PLCL1: variants seen among roughly 807,000 people sequenced by gnomAD.
The protein encoded by PLCL1 is inactive phospholipase C-like protein 1.
Under a neutral mutation model 84.4 loss-of-function variants are expected in PLCL1, and 41 were observed. That is an observed-to-expected ratio of 0.49 (90% confidence interval 0.38 to 0.63). The LOEUF is 0.63. Among genes scored for constraint, PLCL1 ranks in the 30% least tolerant of loss-of-function variants. The pLI is 0.00. For missense variants in PLCL1, 1,206 were observed against 1,367.8 expected, an observed-to-expected ratio of 0.88 and a Z score of 1.87; for synonymous variants, 490 against 488.3, an observed-to-expected ratio of 1.00 and a Z score of -0.05.
chr2:197,891,053 A>G (rs1350238426), intron 1 of PLCL1, among the ~76,000 whole-genome samples: 1 of 148,542 alleles, frequency 6.7e-6, no homozygotes, highest in Non-Finnish European at 1.5e-5. Flanking sequence ...TTTTTTTTTT[A>G]CTTAGTATAA....
chr2:197,861,104 G>A (rs1344028263), intron 1 of PLCL1, among the ~76,000 whole-genome samples: 1 of 152,158 alleles, frequency 6.6e-6, no homozygotes, highest in Non-Finnish European at 1.5e-5. Flanking sequence ...GATGACTGGT[G>A]GTTGGCAGCC....
chr2:198,070,757 A>T (rs1184975355), intron 1 of PLCL1, among the ~76,000 whole-genome samples: 2 of 151,922 alleles, frequency 1.3e-5, no homozygotes, highest in Non-Finnish European at 2.9e-5. Context: ...TCTACTTATG[A>T]CTCAAAAAAG....
chr2:197,967,299 C>T (rs774889179), intron 1 of PLCL1, among the ~76,000 whole-genome samples: 4 of 152,156 alleles, frequency 2.6e-5, no homozygotes, highest in Non-Finnish European at 5.9e-5. Context: ...CAGGTTCAAG[C>T]AATTCTCCTG....
intron 1 of PLCL1, among the ~76,000 whole-genome samples, chr2:197,906,068 T>C (rs1348754599): frequency 6.6e-6 from 1 of 152,232 alleles, no homozygotes; most frequent in Non-Finnish European, 1.5e-5. Context: ...CTCTTTAGTT[T>C]AATTAGATCC....
chr2:198,120,534 T>C (rs1267608870), intron 5 of PLCL1, among the ~76,000 whole-genome samples: 1 of 151,994 alleles, frequency 6.6e-6, no homozygotes, highest in Non-Finnish European at 1.5e-5. Flanking sequence ...TCAATTATTT[T>C]AATTTTTAGC....
intron 1 of PLCL1, among the ~76,000 whole-genome samples, chr2:198,034,095 A>G (rs142931191): frequency 0.024 from 3,633 of 152,196 alleles, 166 homozygotes; most frequent in African/African-American, 0.082. Flanking sequence ...TCCTGCACCC[A>G]TTAACTCGTC....
At chr2:197,845,537 C>A (rs1215309194) in intron 1 of PLCL1, among the ~76,000 whole-genome samples, 1 of 152,040 alleles carries the variant, frequency 6.6e-6, no homozygotes, top group African/African-American at 2.4e-5. Context: ...AGGACGTGGT[C>A]AGCCTTTTCT....
intron 1 of PLCL1, among the ~76,000 whole-genome samples, chr2:197,808,714 G>A (rs1690528962): frequency 6.6e-6 from 1 of 152,178 alleles, no homozygotes. Flanking sequence ...TAATTGTAAT[G>A]TTTTGGAAAT....
intron 1 of PLCL1, among the ~76,000 whole-genome samples, chr2:197,871,352 A>C (rs1432014569): frequency 6.6e-6 from 1 of 151,994 alleles, no homozygotes; most frequent in Non-Finnish European, 1.5e-5. Flanking sequence ...GGGAAGGGGC[A>C]GTGTGGCCCT....
At position 198,146,874 on chromosome 2, in the gene PLCL1, C is replaced by T; in HGVS notation, c.3200C>T (p.Ala1067Val). The change falls in exon 6 of 6, where the codon GCC becomes GTC. Residue 1067 changes from alanine to valine, a missense_variant. Ala to Val is a moderately conservative substitution (Grantham distance 64, BLOSUM62 0). Transcript: ENST00000428675. ...TGCCTGTCCTGTGGACTGAGTAAAG[C>T]CCCCAGCAGCAGTGCTGAGGCCAAG... is the stretch of plus-strand genomic sequence containing the variant. The part of the protein sequence containing the change: ...LACLSCGLSK[A>V]PSSSAEAKSK... The T allele has an allele frequency of 6.2e-7, 1 of 1,613,346 alleles. No individual in the cohort carries two copies. Among genetic ancestry groups the T allele is most frequent in the Non-Finnish European group, 8.5e-7 (1 of 1,179,518 alleles).
At chr2:197,923,266 C>T (rs1348166343) in intron 1 of PLCL1, among the ~76,000 whole-genome samples, 1 of 144,340 alleles carries the variant, frequency 6.9e-6, no homozygotes, top group Non-Finnish European at 1.5e-5. Flanking sequence ...TGACCCCCCC[C>T]ACCTCCCTCC....
At chr2:198,133,580 A>C (rs1344106739) in intron 5 of PLCL1, among the ~76,000 whole-genome samples, 5 of 151,944 alleles carry the variant, frequency 3.3e-5, no homozygotes, top group Admixed American at 3.3e-4. Context: ...AAAAATAAGA[A>C]TGTAAGAGTG....
At chr2:198,126,991 A>AGT (rs368958990) in intron 5 of PLCL1, among the ~76,000 whole-genome samples, 6,968 of 129,200 alleles carry the variant, frequency 0.054, 216 homozygotes, top group Non-Finnish European at 0.077. Flanking sequence ...TGAGTGTGTG[A>AGT]GTGTGTGTGT....
rs1259846997 is a variant in PLCL1 at position 197,979,974 on chromosome 2, G to T, written c.241-103784G>T. Among the ~76,000 whole-genome samples, 3 of 152,136 alleles carry T rather than the reference G, an allele frequency of 2.0e-5. No individual in the cohort carries two copies. The East Asian group carries it at 5.8e-4, about 29-fold the overall frequency. On this transcript the variant is annotated intron_variant, in intron 1 of 5. Coordinates refer to ENST00000428675, the MANE Select transcript of PLCL1 (RefSeq NM_006226.4). The stretch of plus-strand genomic sequence containing the variant: ...GGAATTAAGTGACCTAGAAACCTTA[G>T]TCCCTGGACTGTAAGGGGCTGTATA...
chr2:198,056,356 C>T (rs1026328645), intron 1 of PLCL1, among the ~76,000 whole-genome samples: 3 of 152,050 alleles, frequency 2.0e-5, no homozygotes, highest in Admixed American at 6.6e-5. Context: ...GGTGTTTGAT[C>T]GGAATGCAAA....
At chr2:198,115,428 G>T (rs1693720805) in intron 5 of PLCL1, among the ~76,000 whole-genome samples, 1 of 151,824 alleles carries the variant, frequency 6.6e-6, no homozygotes, top group East Asian at 1.9e-4. Context: ...CTATGGGGAA[G>T]AGGGGTTCTT....
intron 5 of PLCL1, among the ~76,000 whole-genome samples, chr2:198,114,253 A>G (rs1481988403): frequency 2.0e-5 from 3 of 151,882 alleles, no homozygotes; most frequent in Non-Finnish European, 4.4e-5. Flanking sequence ...TGTGCTGCCC[A>G]GGAGTTTAGT....
At chr2:197,916,783 C>A (rs1184244185) in intron 1 of PLCL1, among the ~76,000 whole-genome samples, 1 of 151,744 alleles carries the variant, frequency 6.6e-6, no homozygotes, top group African/African-American at 2.4e-5. Context: ...ATTACCTGCT[C>A]AAATAAAAAA....
At chr2:198,051,078 T>C (rs1387711435) in intron 1 of PLCL1, among the ~76,000 whole-genome samples, 1 of 152,234 alleles carries the variant, frequency 6.6e-6, no homozygotes, top group African/African-American at 2.4e-5. Context: ...TGGTAGGTTT[T>C]CCTGGCTTGA....
Sources: allele counts gnomAD v4.1 joint callset (sites outside exome capture counted in the v4.1 genomes callset), GRCh38; gene constraint gnomAD v4.1.1; transcripts MANE v1.5; gene names NCBI Gene and HGNC (gene_info 2026-07-23, HGNC 2026-07-21).